The following HECW1 variants were observed in gnomAD, a reference collection of about 807,000 sequenced individuals.
The protein encoded by HECW1 is E3 ubiquitin-protein ligase HECW1.
A neutral mutation model predicts 182.3 loss-of-function variants in HECW1; 61 were observed. The observed-to-expected ratio is 0.33, with a 90% CI of 0.27 to 0.41. The LOEUF is 0.41. Ranked by LOEUF, HECW1 falls within the 10% of genes least tolerant of loss-of-function variation. The pLI, the probability that HECW1 is intolerant of heterozygous loss-of-function variation, is 1.00. For missense variants in HECW1, 1,739 were observed against 2,108.9 expected (o/e 0.82, Z 3.44); for synonymous variants, 859 against 832.6 (o/e 1.03, Z -0.55).
intron 28 of HECW1, among the ~76,000 whole-genome samples, chr7:43,554,240 T>C (rs1261179240): frequency 6.6e-6 from 1 of 152,250 alleles, no homozygotes; most frequent in Non-Finnish European, 1.5e-5. Context: ...ATTATATTCA[T>C]AGGCCCTTTG....
intron 24 of HECW1, among the ~76,000 whole-genome samples, chr7:43,539,964 C>T (rs1423280831): frequency 6.6e-6 from 1 of 152,144 alleles, no homozygotes; most frequent in East Asian, 1.9e-4. Flanking sequence ...ACCCATTGTC[C>T]CAGAAGCCCC....
chr7:43,519,959 G>A (rs923593726), intron 24 of HECW1, among the ~76,000 whole-genome samples: 5 of 152,150 alleles, frequency 3.3e-5, no homozygotes, highest in African/African-American at 4.8e-5. Flanking sequence ...GAGATGAGCC[G>A]AGGTAACAGG....
intron 2 of HECW1, among the ~76,000 whole-genome samples, chr7:43,145,285 C>A (rs1016804393): frequency 6.6e-6 from 1 of 151,758 alleles, no homozygotes; most frequent in Non-Finnish European, 1.5e-5. Context: ...TGGCTTTGCC[C>A]TTTCCTTCTT....
rs558631918 is a variant in HECW1, at chr7:43,458,050, C to T, written c.2651+1603C>T. Among the ~76,000 whole-genome samples, 209 of 152,278 alleles carry T rather than the reference C, an allele frequency of 1.4e-3. 2 individuals are homozygous for T. The highest frequency in any genetic ancestry group is 3.7e-3 in the African/African-American group (154 of 41,552). ...TTACAGAGAGGAAGTCCTGATAACC[C>T]AGTTTTACTAGACATGAATGGACCA... is the stretch of plus-strand genomic sequence containing the variant. On this transcript the variant is annotated intron_variant, in intron 13 of 29. Transcript: ENST00000395891.
At chr7:43,146,285 C>A (rs1439053699) in intron 2 of HECW1, among the ~76,000 whole-genome samples, 1 of 152,094 alleles carries the variant, frequency 6.6e-6, no homozygotes, top group African/African-American at 2.4e-5. Flanking sequence ...GGATATTTGG[C>A]AGCATCTCTG....
rs1001315825 is a variant in HECW1 at position 43,343,005 on chromosome 7, A to G, written c.461-17881A>G. ...GCACCACTGCACTCCAGCGTGGGAG[A>G]CAGAGCAAGACTCCATCTCAAAAGA... On this transcript the variant is annotated intron_variant, in intron 5 of 29. Coordinates refer to ENST00000395891, the MANE Select transcript of HECW1 (RefSeq NM_015052.5). 6.6e-5 allele frequency among the ~76,000 whole-genome samples: 10 copies of G among 150,462 alleles called. 1 individual carries two copies. Among genetic ancestry groups the G allele is most frequent in the African/African-American group, 2.2e-4 (9 of 40,552 alleles).
At chr7:43,559,420 C>T (rs2082137142) in intron 29 of HECW1, among the ~76,000 whole-genome samples, 1 of 152,070 alleles carries the variant, frequency 6.6e-6, no homozygotes, top group African/African-American at 2.4e-5. Context: ...ACACGGTTCC[C>T]CAAATCATTA....
chr7:43,407,709 T>C lies in HECW1; in HGVS notation c.779T>C (p.Val260Ala). The C allele has an allele frequency of 1.2e-6, 2 of 1,613,072 alleles. No homozygotes were observed. Among genetic ancestry groups the C allele is most frequent in the Non-Finnish European group, 1.7e-6 (2 of 1,179,366 alleles). The change falls in exon 8 of 30, where the codon GTG (valine) becomes GCG (alanine). Residue 260 changes from valine (V) to alanine (A), a missense_variant. Transcript: ENST00000395891. Reference protein sequence around the residue: ...ERRSKIIGNTVNPIWQAEQFS... With the variant: ...ERRSKIIGNTANPIWQAEQFS... Reference sequence around the variant, plus strand: ...AGATCCAAGATCATAGGCAACACCGTGAACCCCATCTGGCAGGCCGAGGTG... The same window carrying C: ...AGATCCAAGATCATAGGCAACACCGCGAACCCCATCTGGCAGGCCGAGGTG...
At chr7:43,404,096 A>G (rs1223875970) in intron 7 of HECW1, among the ~76,000 whole-genome samples, 17 of 152,244 alleles carry the variant, frequency 1.1e-4, no homozygotes, top group Admixed American at 1.0e-3. Flanking sequence ...GGTTTACTCA[A>G]AGTTACAAAT....
At chr7:43,339,408 G>T (rs1387869260) in intron 5 of HECW1, among the ~76,000 whole-genome samples, 1 of 152,080 alleles carries the variant, frequency 6.6e-6, no homozygotes, top group Non-Finnish European at 1.5e-5. Context: ...CATGCATAAA[G>T]TTCCTAATTT....
chr7:43,464,499 T>C (rs2077694213), intron 14 of HECW1, among the ~76,000 whole-genome samples: 1 of 152,188 alleles, frequency 6.6e-6, no homozygotes, highest in South Asian at 2.1e-4. Flanking sequence ...TTCCACTTTT[T>C]TTTTTTTAAC....
chr7:43,138,289 T>G (rs1280650548), intron 2 of HECW1, among the ~76,000 whole-genome samples: 2 of 152,254 alleles, frequency 1.3e-5, no homozygotes, highest in African/African-American at 4.8e-5. Flanking sequence ...TTTTCTCGGC[T>G]TATGTAGTCA....
At position 43,565,186 on chromosome 7, in the gene HECW1, C is replaced by A. The variant is rs1341461973; in HGVS notation, c.*3260C>A. ...TGAGGTCAGGAGAAGTATTCTAAAT[C>A]TACTGAACTCTTTGTAATTTCCTAT... On this transcript the variant is annotated 3_prime_UTR_variant, in exon 30 of 30. Coordinates refer to ENST00000395891, the MANE Select transcript of HECW1 (RefSeq NM_015052.5). 1 of 201,292 alleles carries A rather than the reference C, an allele frequency of 5.0e-6. No individual in the cohort carries two copies. Among genetic ancestry groups the A allele is most frequent in the Non-Finnish European group, 1.0e-5 (1 of 97,868 alleles). The allele number at this position is 201,292 out of a possible 1,614,324, so 12.5% of individuals were successfully genotyped here. A position where few individuals can be genotyped will look rare whatever the true frequency, so the allele number is the denominator to read the frequency against.
chr7:43,365,054 G>T (rs1186475947), intron 6 of HECW1, among the ~76,000 whole-genome samples: 4 of 152,206 alleles, frequency 2.6e-5, no homozygotes, highest in Non-Finnish European at 5.9e-5. Context: ...AGGCTGCCCT[G>T]CTGGGTCTAG....
chr7:43,470,728 TAC>T (rs2077985615), intron 16 of HECW1, among the ~76,000 whole-genome samples: 3 of 143,954 alleles, frequency 2.1e-5, no homozygotes, highest in Non-Finnish European at 3.0e-5. Flanking sequence ...GCTGTGTGCC[TAC>T]ACACACATGC....
intron 2 of HECW1, among the ~76,000 whole-genome samples, chr7:43,168,750 G>A (rs1791385581): frequency 6.6e-6 from 1 of 152,152 alleles, no homozygotes; most frequent in South Asian, 2.1e-4. Context: ...AGTGAAGGAG[G>A]TGAACAGGCA....
chr7:43,549,157 G>A (rs181272091), intron 26 of HECW1, among the ~76,000 whole-genome samples: 124 of 152,298 alleles, frequency 8.1e-4, no homozygotes, highest in African/African-American at 2.9e-3. Context: ...ATACACTTCT[G>A]CTTACATCCC....
chr7:43,163,804 G>C (rs1790808489), intron 2 of HECW1, among the ~76,000 whole-genome samples: 2 of 152,186 alleles, frequency 1.3e-5, no homozygotes, highest in Admixed American at 6.5e-5. Flanking sequence ...AAATGGTGGA[G>C]ATGTTTGGAT....
intron 3 of HECW1, among the ~76,000 whole-genome samples, chr7:43,267,289 G>T (rs547763848): frequency 3.3e-5 from 5 of 152,068 alleles, no homozygotes; most frequent in African/African-American, 1.2e-4. Flanking sequence ...CACATTTTCC[G>T]ATCACAATAC....
Sources: gnomAD v4.1 joint callset for allele counts (sites outside exome capture counted in the v4.1 genomes callset) on GRCh38, gnomAD v4.1.1 for gene constraint, MANE v1.5 for transcripts, NCBI Gene and HGNC (gene_info 2026-07-23, HGNC 2026-07-21) for gene names.